MYO3A: variants seen among roughly 807,000 people sequenced by gnomAD.
MYO3A encodes the protein myosin-IIIa.
A neutral mutation model predicts 192.7 loss-of-function variants in MYO3A; 180 were observed. The ratio of observed to expected loss-of-function variants is 0.93; its 90% CI spans 0.83 to 1.06. The LOEUF is 1.06. Ranked by LOEUF, MYO3A falls within the 50% of genes least tolerant of loss-of-function variation. The probability of loss-of-function intolerance (pLI) is 0.00; values close to 1 mark genes in which losing one functional copy is unlikely to be tolerated. For missense variants in MYO3A, 1,896 were observed against 1,905.0 expected (o/e 1.00, Z 0.09); for synonymous variants, 628 against 645.3 (o/e 0.97, Z 0.41).
At chr10:26,043,337 A>T (rs56344349) in intron 10 of MYO3A, among the ~76,000 whole-genome samples, 24,657 of 152,010 alleles carry the variant, frequency 0.16, 2,272 homozygotes, top group Non-Finnish European at 0.21. Context: ...TGCTCAAGGC[A>T]TTGGAGTTCT....
At chr10:25,983,101 A>G (rs549043629) in intron 4 of MYO3A, among the ~76,000 whole-genome samples, 2 of 152,112 alleles carry the variant, frequency 1.3e-5, no homozygotes, top group African/African-American at 4.8e-5. Context: ...GATAGCATAA[A>G]TAAAAAACAA....
At chr10:25,970,867 T>C (rs1838596973) in intron 4 of MYO3A, among the ~76,000 whole-genome samples, 1 of 151,926 alleles carries the variant, frequency 6.6e-6, no homozygotes, top group Non-Finnish European at 1.5e-5. Context: ...GTATAACTGA[T>C]ATGAGAAGAA....
At chr10:26,065,436 A>AG (rs1272843764) in intron 10 of MYO3A, among the ~76,000 whole-genome samples, 1 of 151,890 alleles carries the variant, frequency 6.6e-6, no homozygotes, top group Non-Finnish European at 1.5e-5. Context: ...ATGCAAAAAA[A>AG]TTAGCTGAGC....
intron 4 of MYO3A, among the ~76,000 whole-genome samples, chr10:25,974,786 G>A (rs1838874104): frequency 6.6e-6 from 1 of 152,132 alleles, no homozygotes; most frequent in Non-Finnish European, 1.5e-5. Context: ...TTGCTTCACT[G>A]GAGAATGAAT....
intron 30 of MYO3A, among the ~76,000 whole-genome samples, chr10:26,175,779 T>A (rs1401270414): frequency 6.6e-6 from 1 of 152,154 alleles, no homozygotes; most frequent in Non-Finnish European, 1.5e-5. Context: ...CGTGGAGACA[T>A]GAGATGTAGA....
chr10:26,178,587 A>G lies in MYO3A; in HGVS notation c.4438+1742A>G, dbSNP rs1276440789. ...AAAAGCAAAAAGAAGAAAAAGAACAACAACAACAAGGGACAACTTTACCCA... is the reference window on the plus strand; with the variant it reads ...AAAAGCAAAAAGAAGAAAAAGAACAGCAACAACAAGGGACAACTTTACCCA... On this transcript the variant is annotated intron_variant, in intron 31 of 34. Coordinates refer to ENST00000642920, the MANE Select transcript of MYO3A (RefSeq NM_017433.5). Among the ~76,000 whole-genome samples, 3 of 151,676 alleles carry G rather than the reference A, an allele frequency of 2.0e-5. No homozygotes were observed. The East Asian group carries it at 5.9e-4, about 30-fold the overall frequency.
At chr10:25,970,483 GA>G (rs965098049) in intron 4 of MYO3A, among the ~76,000 whole-genome samples, 8 of 151,068 alleles carry the variant, frequency 5.3e-5, no homozygotes. Flanking sequence ...ATGTATATTA[GA>G]AAAAAAAGAT....
In MYO3A at chr10:26,132,052, G is replaced by T. The variant is rs558424679; in HGVS notation, c.2262+3514G>T. On this transcript the variant is annotated intron_variant, in intron 20 of 34. Coordinates refer to ENST00000642920, the MANE Select transcript of MYO3A (RefSeq NM_017433.5). ...TACACTGTCAACTTCCATTTTCTGA[G>T]AGGCTTTTATTTTGCAGCTCAAATG... Among the ~76,000 whole-genome samples, 5 of 152,274 alleles carry T rather than the reference G, an allele frequency of 3.3e-5. No homozygotes were observed. The East Asian group carries it at 9.6e-4, about 29-fold the overall frequency.
At chr10:26,001,043 C>A (rs908285981) in intron 6 of MYO3A, among the ~76,000 whole-genome samples, 2 of 152,148 alleles carry the variant, frequency 1.3e-5, no homozygotes, top group Admixed American at 1.3e-4. Context: ...ACGAGAACAG[C>A]AAGGGGAAAT....
rs61055675 is a variant in MYO3A, at chr10:25,956,595, C to T, written c.303+1587C>T. 1.6e-3 allele frequency among the ~76,000 whole-genome samples: 241 copies of T among 150,678 alleles called. 2 individuals carry two copies. The highest frequency in any genetic ancestry group is 5.7e-3 in the African/African-American group (234 of 41,020). ...CTGATCTCAAGTGATCCACCTATCT[C>T]GACCTCCTAAAGTGCCTGGTCTCCA... On this transcript the variant is annotated intron_variant, in intron 4 of 34. Transcript: ENST00000642920.
At chr10:25,984,578 G>A (rs1375819481) in intron 4 of MYO3A, among the ~76,000 whole-genome samples, 1 of 152,112 alleles carries the variant, frequency 6.6e-6, no homozygotes, top group Non-Finnish European at 1.5e-5. Context: ...TCTCTGTACA[G>A]GGAAGCTGTT....
intron 6 of MYO3A, among the ~76,000 whole-genome samples, chr10:26,011,442 T>TAA (rs202104755): frequency 6.0e-5 from 9 of 150,832 alleles, no homozygotes; most frequent in African/African-American, 2.0e-4. Flanking sequence ...CTAAAAAAGT[T>TAA]TAAAAAAAAA....
chr10:26,070,314 A>G lies in MYO3A; in HGVS notation c.1276-4A>G, dbSNP rs770592798. On this transcript the variant is annotated splice_polypyrimidine_tract_variant and splice_region_variant and intron_variant, in intron 13 of 34. Transcript: ENST00000642920. ...CTTCTCACAGTTTTCTTTTCTATGT[A>G]TAGTGCATTGTTATTTCTGGAGAAA... 80 of 1,612,782 alleles carry G rather than the reference A, an allele frequency of 5.0e-5. No individual in the cohort carries two copies. Among genetic ancestry groups the G allele is most frequent in the Non-Finnish European group, 6.3e-5 (74 of 1,179,112 alleles).
chr10:25,958,445 T>C (rs1200532739), intron 4 of MYO3A, among the ~76,000 whole-genome samples: 2 of 152,186 alleles, frequency 1.3e-5, no homozygotes, highest in East Asian at 3.8e-4. Context: ...GTTCCATTGG[T>C]CCATGTATCT....
intron 15 of MYO3A, among the ~76,000 whole-genome samples, chr10:26,090,309 A>G (rs1836620893): frequency 6.6e-6 from 1 of 152,220 alleles, no homozygotes; most frequent in Non-Finnish European, 1.5e-5. Context: ...GAGTTACACA[A>G]TGAGGCCCTG....
In MYO3A at chr10:26,141,938, C is replaced by T. The variant is rs942720010; in HGVS notation, c.2263-1510C>T. Among the ~76,000 whole-genome samples, 22 of 152,268 alleles carry T rather than the reference C, an allele frequency of 1.4e-4. 1 individual carries two copies. The Middle Eastern group carries it at 0.01, about 71-fold the overall frequency. Reference sequence around the variant, plus strand: ...CTACCATAGTGACTAAAAGCTCTGGCTTATCAAAATGTCCCACCTGCCACT... The same window carrying T: ...CTACCATAGTGACTAAAAGCTCTGGTTTATCAAAATGTCCCACCTGCCACT... On this transcript the variant is annotated intron_variant, in intron 20 of 34. Transcript: ENST00000642920.
intron 18 of MYO3A, among the ~76,000 whole-genome samples, chr10:26,123,290 CTG>C (rs1189500369): frequency 6.6e-6 from 1 of 151,902 alleles, no homozygotes; most frequent in African/African-American, 2.4e-5. Flanking sequence ...ACAAATGAAA[CTG>C]AGGGAAAATA....
intron 15 of MYO3A, among the ~76,000 whole-genome samples, chr10:26,094,625 C>T (rs576742468): frequency 7.9e-5 from 12 of 152,112 alleles, no homozygotes; most frequent in East Asian, 7.7e-4. Flanking sequence ...GGGGTTTCAC[C>T]GTGTTAGCCA....
intron 10 of MYO3A, among the ~76,000 whole-genome samples, chr10:26,063,294 A>G (rs1206474447): frequency 1.3e-5 from 2 of 152,218 alleles, no homozygotes; most frequent in East Asian, 1.9e-4. Flanking sequence ...GCAGATGTTT[A>G]TAATTTTAGT....
Sources: allele counts gnomAD v4.1 joint callset (sites outside exome capture counted in the v4.1 genomes callset), GRCh38; gene constraint gnomAD v4.1.1; transcripts MANE v1.5; gene names NCBI Gene and HGNC (gene_info 2026-07-23, HGNC 2026-07-21).